The following LCLAT1 variants were observed in gnomAD, a reference collection of about 807,000 sequenced individuals.
LCLAT1 encodes the protein lysocardiolipin acyltransferase 1, also known as 1-AGP acyltransferase 8.
LCLAT1 carries 11 observed loss-of-function variants against 30.7 expected under a neutral mutation model. The observed-to-expected ratio is 0.36, with a 90% confidence interval of 0.23 to 0.59. The LOEUF is 0.59. Among genes scored for constraint, LCLAT1 ranks in the 20% least tolerant of loss-of-function variants. The probability of loss-of-function intolerance (pLI) is 0.77; values close to 1 mark genes in which losing one functional copy is unlikely to be tolerated. For synonymous variants in LCLAT1, 155 were observed against 151.3 expected (o/e 1.02, Z -0.18); for missense variants, 402 against 458.6 (o/e 0.88, Z 1.13).
chr2:30,490,938 A>C (rs549216221), intron 1 of LCLAT1, among the ~76,000 whole-genome samples: 2 of 152,370 alleles, frequency 1.3e-5, no homozygotes, highest in East Asian at 3.9e-4. Flanking sequence ...TGAAAAAATA[A>C]ATGTACAGTA....
At chr2:30,475,762 C>T (rs778990981) in intron 1 of LCLAT1, among the ~76,000 whole-genome samples, 8 of 152,052 alleles carry the variant, frequency 5.3e-5, no homozygotes, top group Non-Finnish European at 5.9e-5. Flanking sequence ...GTGAATTCAG[C>T]CTTTCAGAAA....
intron 4 of LCLAT1, among the ~76,000 whole-genome samples, chr2:30,567,542 A>G (rs1665544465): frequency 1.3e-5 from 2 of 152,004 alleles, no homozygotes; most frequent in Admixed American, 6.6e-5. Context: ...GCCCTGTGGA[A>G]CCCTCCCACT....
In LCLAT1 at chr2:30,461,164, G is replaced by A. The variant is rs1682102358; in HGVS notation, c.-5+13781G>A. 1.3e-5 allele frequency among the ~76,000 whole-genome samples: 2 copies of A among 152,162 alleles called. 1 individual carries two copies. The highest frequency in any genetic ancestry group is 2.9e-5 in the Non-Finnish European group (2 of 68,036). On this transcript the variant is annotated intron_variant, in intron 1 of 5. Transcript: ENST00000379509. The stretch of plus-strand genomic sequence containing the variant: ...TGTGGATAGCATGGGGATAACTGAA[G>A]TGAGGGCAGTCTTGTTGGAAACCTT...
chr2:30,549,760 G>T (rs1055217282), intron 3 of LCLAT1, among the ~76,000 whole-genome samples: 1 of 152,140 alleles, frequency 6.6e-6, no homozygotes, highest in Non-Finnish European at 1.5e-5. Flanking sequence ...AACATTGTAA[G>T]ACCTGGGGGA....
At chr2:30,519,279 C>G (rs1031557873) in intron 1 of LCLAT1, among the ~76,000 whole-genome samples, 8 of 152,206 alleles carry the variant, frequency 5.3e-5, no homozygotes, top group African/African-American at 1.9e-4. Context: ...ACAAATCGTT[C>G]TTTAAATGGA....
chr2:30,577,699 A>T (rs1428404140), intron 5 of LCLAT1, among the ~76,000 whole-genome samples: 2 of 152,124 alleles, frequency 1.3e-5, no homozygotes, highest in East Asian at 1.9e-4. Flanking sequence ...GTAATCTACA[A>T]TGTGTTGCAT....
intron 3 of LCLAT1, among the ~76,000 whole-genome samples, chr2:30,543,790 T>C (rs146385307): frequency 6.6e-6 from 1 of 152,242 alleles, no homozygotes; most frequent in East Asian, 1.9e-4. Context: ...GCTGGAGTTT[T>C]GTCAGTTTTA....
chr2:30,548,193 G>A (rs1171031935), intron 3 of LCLAT1, among the ~76,000 whole-genome samples: 1 of 152,084 alleles, frequency 6.6e-6, no homozygotes, highest in Non-Finnish European at 1.5e-5. Flanking sequence ...AAGTAGTGGG[G>A]ATATACGTTT....
At chr2:30,547,332 T>C (rs1006950534) in intron 3 of LCLAT1, among the ~76,000 whole-genome samples, 38 of 152,344 alleles carry the variant, frequency 2.5e-4, no homozygotes, top group African/African-American at 8.2e-4. Flanking sequence ...TAAATAATCA[T>C]ATAAAGCTTC....
intron 1 of LCLAT1, among the ~76,000 whole-genome samples, chr2:30,468,346 T>C (rs908036314): frequency 1.3e-5 from 2 of 152,236 alleles, no homozygotes; most frequent in African/African-American, 4.8e-5. Context: ...TTGGTTACTG[T>C]AGCCTTGTAG....
At chr2:30,456,308 C>G (rs1240465559) in intron 1 of LCLAT1, among the ~76,000 whole-genome samples, 2 of 152,184 alleles carry the variant, frequency 1.3e-5, no homozygotes. Flanking sequence ...CCTCTGATAC[C>G]ACGCCAGTGG....
intron 1 of LCLAT1, among the ~76,000 whole-genome samples, chr2:30,512,066 G>A (rs2148359733): frequency 6.6e-6 from 1 of 152,188 alleles, no homozygotes; most frequent in East Asian, 1.9e-4. Context: ...TTAAAATGTT[G>A]TTCTTTTTTT....
intron 1 of LCLAT1, among the ~76,000 whole-genome samples, chr2:30,521,989 A>T (rs149479018): frequency 1.3e-5 from 2 of 152,228 alleles, no homozygotes; most frequent in Non-Finnish European, 2.9e-5. Flanking sequence ...TTCATTCAGC[A>T]TAATACATTT....
intron 1 of LCLAT1, among the ~76,000 whole-genome samples, chr2:30,473,001 G>GA (rs571290924): frequency 1.3e-5 from 2 of 149,928 alleles, no homozygotes; most frequent in African/African-American, 2.4e-5. Context: ...CTCTGGAGTT[G>GA]AAAAAAAAAT....
At chr2:30,604,916 C>T (rs1223473854) in intron 5 of LCLAT1, among the ~76,000 whole-genome samples, 1 of 152,130 alleles carries the variant, frequency 6.6e-6, no homozygotes, top group African/African-American at 2.4e-5. Context: ...GAGCTGCCTG[C>T]CAGGAAAAAG....
At chr2:30,499,004 A>G (rs1684240498) in intron 1 of LCLAT1, among the ~76,000 whole-genome samples, 1 of 152,202 alleles carries the variant, frequency 6.6e-6, no homozygotes, top group Admixed American at 6.5e-5. Flanking sequence ...TTTTCTTAGC[A>G]GTAAGGAAAA....
intron 1 of LCLAT1, among the ~76,000 whole-genome samples, chr2:30,471,624 T>C (rs983348261): frequency 6.6e-6 from 1 of 152,248 alleles, no homozygotes; most frequent in African/African-American, 2.4e-5. Flanking sequence ...TTAAATTTAT[T>C]CCTAGGTTTA....
intron 5 of LCLAT1, among the ~76,000 whole-genome samples, chr2:30,597,085 C>T (rs536641714): frequency 6.8e-6 from 1 of 147,030 alleles, no homozygotes; most frequent in African/African-American, 2.5e-5. Flanking sequence ...GTGATGCCTC[C>T]AGCTGTGTTC....
At chr2:30,532,088 A>G (rs1441747252) in intron 2 of LCLAT1, among the ~76,000 whole-genome samples, 13 of 152,068 alleles carry the variant, frequency 8.5e-5, no homozygotes, top group Admixed American at 8.5e-4. Flanking sequence ...AAATATCTTA[A>G]TCTTTTAGAA....
Sources: gnomAD v4.1 joint callset for allele counts (sites outside exome capture counted in the v4.1 genomes callset) on GRCh38, gnomAD v4.1.1 for gene constraint, MANE v1.5 for transcripts, NCBI Gene and HGNC (gene_info 2026-07-23, HGNC 2026-07-21) for gene names.